The following SERPINB9 variants were observed in gnomAD, a reference collection of about 807,000 sequenced individuals.
The protein encoded by SERPINB9 is serpin B9.
A neutral mutation model predicts 27.2 loss-of-function variants in SERPINB9; 20 were observed. The ratio of observed to expected loss-of-function variants is 0.74; its 90% CI spans 0.52 to 1.07. The LOEUF (loss-of-function observed/expected upper bound fraction) is 1.07, where lower values mean the gene tolerates loss of function less well. Among genes scored for constraint, SERPINB9 ranks in the 50% least tolerant of loss-of-function variants. The probability of loss-of-function intolerance (pLI) is 0.00; values close to 1 mark genes in which losing one functional copy is unlikely to be tolerated. For synonymous variants in SERPINB9, 189 were observed against 180.0 expected, an observed-to-expected ratio of 1.05 and a Z score of -0.40; for missense variants, 476 against 460.1, an observed-to-expected ratio of 1.03 and a Z score of -0.32.
At chr6:2,901,488 G>GA (rs1768200464) in intron 1 of SERPINB9, among the ~76,000 whole-genome samples, 1 of 152,244 alleles carries the variant, frequency 6.6e-6, no homozygotes, top group African/African-American at 2.4e-5. Context: ...CGCCAGAATG[G>GA]AAAGGCAAGA....
rs1237988464 is a variant in SERPINB9, at chr6:2,889,246, C to G, written c.*917G>C. ...ACGTGGTAAGTTGAAAGACATTAAA[C>G]AGTCCAACCTGGTCATTGTCAAAAC... On this transcript the variant is annotated 3_prime_UTR_variant, in exon 7 of 7. Coordinates refer to ENST00000380698, the MANE Select transcript of SERPINB9 (RefSeq NM_004155.6). The G allele has an allele frequency of 6.6e-6, 1 of 152,204 alleles. No homozygotes were observed. Among genetic ancestry groups the G allele is most frequent in the Non-Finnish European group, 1.5e-5 (1 of 68,046 alleles). 9.4% of individuals were successfully genotyped at this position (152,204 alleles called of 1,614,324 possible). A position where few individuals can be genotyped will look rare whatever the true frequency, so the allele number is the denominator to read the frequency against.
At chr6:2,897,410 G>A (rs1318603881) in intron 2 of SERPINB9, among the ~76,000 whole-genome samples, 1 of 151,882 alleles carries the variant, frequency 6.6e-6, no homozygotes, top group Non-Finnish European at 1.5e-5. Context: ...AAGTTGCAGT[G>A]AGCCAAGGTC....
Position 2,891,865 on chromosome 6 carries a change from G to T in SERPINB9, c.691C>A (p.Leu231Met), listed in dbSNP as rs745510142. Reference sequence around the variant, plus strand: ...AGCTCCACGCCGTCGTCAGGCAGCAGCACCAGCAGGCTCAGCTCCTTCCTG... The same window carrying T: ...AGCTCCACGCCGTCGTCAGGCAGCATCACCAGCAGGCTCAGCTCCTTCCTG... ...YARKELSLLV[L>M]LPDDGVELST... The change falls in exon 6 of 7, where the codon CTG becomes ATG. Residue 231 changes from leucine to methionine, a missense_variant. By Grantham distance (15) the Leu-to-Met change is conservative (BLOSUM62 2). Transcript: ENST00000380698. The surrounding 1 kb of genome is among the most constrained non-coding windows in gnomAD (Gnocchi z 4.0). 6.2e-7 allele frequency: 1 copy of T among 1,609,772 alleles called. No homozygotes were observed. The highest frequency in any genetic ancestry group is 2.2e-5 in the East Asian group (1 of 44,836).
chr6:2,902,287 C>A (rs1768231565), intron 1 of SERPINB9, among the ~76,000 whole-genome samples: 1 of 152,218 alleles, frequency 6.6e-6, no homozygotes, highest in Non-Finnish European at 1.5e-5. Flanking sequence ...CCCGCCGGCG[C>A]GACCCTCCCC....
At chr6:2,901,390 A>C (rs1459942968) in intron 1 of SERPINB9, among the ~76,000 whole-genome samples, 1 of 152,210 alleles carries the variant, frequency 6.6e-6, no homozygotes, top group African/African-American at 2.4e-5. Flanking sequence ...TAACTCAGAA[A>C]CATCTATTTG....
intron 1 of SERPINB9, among the ~76,000 whole-genome samples, chr6:2,902,070 A>C (rs1414365299): frequency 6.6e-6 from 1 of 152,118 alleles, no homozygotes. Context: ...ACGGTGTCTT[A>C]CCCACCTGCC....
chr6:2,888,872 A>T lies in SERPINB9; in HGVS notation c.*1291T>A, dbSNP rs1318333989. 1.3e-5 allele frequency: 2 copies of T among 151,790 alleles called. No individual in the cohort carries two copies. Among genetic ancestry groups the T allele is most frequent in the Non-Finnish European group, 2.9e-5 (2 of 68,012 alleles). The allele number at this position is 151,790 out of a possible 1,614,324, so 9.4% of individuals were successfully genotyped here. ...AATAAAAAAATTCTTAAAAAAAAAA[A>T]CTCAGTGATATCCAACCATTAAAAA... On this transcript the variant is annotated 3_prime_UTR_variant, in exon 7 of 7. Coordinates refer to ENST00000380698, the MANE Select transcript of SERPINB9 (RefSeq NM_004155.6).
Position 2,890,655 on chromosome 6 carries a change from T to C in SERPINB9, c.724-85A>G. The C allele has an allele frequency of 1.5e-6, 2 of 1,312,160 alleles. No individual in the cohort carries two copies. Among genetic ancestry groups the C allele is most frequent in the East Asian group, 4.6e-5 (2 of 43,030 alleles). 81.3% of individuals were successfully genotyped at this position (1,312,160 alleles called of 1,614,324 possible). On this transcript the variant is annotated intron_variant, in intron 6 of 6. Coordinates refer to ENST00000380698, the MANE Select transcript of SERPINB9 (RefSeq NM_004155.6). The surrounding 1 kb of genome is among the most constrained non-coding windows in gnomAD (Gnocchi z 6.2). ...GGCACTCACAGTTCCCTTCCTCCCC[T>C]TGCACGTAGGTGTTGTTTGTTCACA...
chr6:2,900,416 C>G (rs1768157189), intron 2 of SERPINB9, 28 bp downstream of exon 2: 1 of 1,611,096 alleles, frequency 6.2e-7, no homozygotes, highest in South Asian at 1.1e-5. Flanking sequence ...CAGGCCAGTC[C>G]CTGCTCCTGG....
At chr6:2,900,686 T>A in intron 1 of SERPINB9, 65 bp from the exon 2 acceptor site, 1 of 1,358,788 alleles carries the variant, frequency 7.4e-7, no homozygotes. Context: ...ACCTACTTAC[T>A]ACAGGGCAAT....
rs1289200124 is a variant in SERPINB9 at position 2,888,045 on chromosome 6, G to A, written c.*2118C>T. 1 of 152,014 alleles carries A rather than the reference G, an allele frequency of 6.6e-6. No homozygotes were observed. Among genetic ancestry groups the A allele is most frequent in the Non-Finnish European group, 1.5e-5 (1 of 68,018 alleles). 9.4% of individuals were successfully genotyped at this position (152,014 alleles called of 1,614,324 possible). On this transcript the variant is annotated 3_prime_UTR_variant, in exon 7 of 7. Transcript: ENST00000380698. The stretch of plus-strand genomic sequence containing the variant: ...CTCAGCATTATCTATCAAAGGGACT[G>A]GATGTCCCATCTAGTTTGTACTTTA...
At position 2,890,296 on chromosome 6, in the gene SERPINB9, G is replaced by C. The variant is rs146773314; in HGVS notation, c.998C>G (p.Ser333Trp). 12 of 1,614,192 alleles carry C rather than the reference G, an allele frequency of 7.4e-6. No individual in the cohort carries two copies. The highest frequency in any genetic ancestry group is 5.0e-5 in the Admixed American group (3 of 60,018). The change falls in exon 7 of 7, where the codon TCG becomes TGG. Residue 333 changes from serine to tryptophan, a missense_variant. Ser to Trp is a radical substitution (Grantham distance 177). Transcript: ENST00000380698. This position sits in a 1 kb window ranked among gnomAD's most constrained non-coding sequence, Gnocchi z 6.2. ...GCACTCTGCAACTACAAAGCAGCTC[G>C]ACGCTGCCGCTGCCTCGGTGCCTTC... The part of the protein sequence containing the change: ...NEEGTEAAAA[S>W]SCFVVAECCM...
intron 2 of SERPINB9, among the ~76,000 whole-genome samples, chr6:2,896,517 A>T (rs1768005184): frequency 6.6e-6 from 1 of 152,252 alleles, no homozygotes; most frequent in Admixed American, 6.5e-5. Flanking sequence ...ACGGAAATAC[A>T]ATCATCAGAA....
Position 2,896,062 on chromosome 6 carries a change from C to T in SERPINB9, c.297G>A (p.Gln99=), listed in dbSNP as rs144597287. Residue 99 remains glutamine (Q), a synonymous_variant, in exon 3 of 7, where the codon CAG becomes CAA. Transcript: ENST00000380698. ...TATTGATTCAACTTACTGAGAGGAA[C>T]TGACAAGTTTTCTCTCCAAAGAGCC... ...ANRLFGEKTC[Q]FLSTFKESCL... 3.7e-6 allele frequency: 6 copies of T among 1,612,686 alleles called. No individual in the cohort carries two copies. The African/African-American group carries it at 5.3e-5, about 14-fold the overall frequency.
chr6:2,895,289 AGAG>A (rs879934749), intron 4 of SERPINB9, 99 bp downstream of exon 4: 381 of 712,822 alleles, frequency 5.3e-4, no homozygotes, highest in African/African-American at 8.2e-4. Flanking sequence ...GATAGGAGGG[AGAG>A]GAGGAGGAGA....
chr6:2,893,411 C>T lies in SERPINB9; in HGVS notation c.567G>A (p.Gln189=). The T allele has an allele frequency of 6.3e-7, 1 of 1,598,294 alleles. No homozygotes were observed. The highest frequency in any genetic ancestry group is 8.5e-7 in the Non-Finnish European group (1 of 1,171,650). Residue 189 remains glutamine, a splice_region_variant and synonymous_variant, in exon 5 of 7, where the codon CAG becomes CAA. Transcript: ENST00000380698. ...CAGGATTTTAAAAAGCTTCCCCCAC[C>T]TGGTTTATTTTAAAGGGCATTTCCC... is the stretch of plus-strand genomic sequence containing the variant. ...YTREMPFKIN[Q]EEQRPVQMMY...
chr6:2,898,804 ACT>A (rs941976069), intron 2 of SERPINB9, among the ~76,000 whole-genome samples: 2 of 149,564 alleles, frequency 1.3e-5, no homozygotes, highest in African/African-American at 4.9e-5. Context: ...ACAGAGCAAG[ACT>A]CTGTCTCGAA....
At chr6:2,895,548 A>G in intron 3 of SERPINB9, 40 bp from the exon 4 acceptor site, 1 of 1,311,672 alleles carries the variant, frequency 7.6e-7, no homozygotes, top group South Asian at 1.3e-5. Flanking sequence ...GCATTGCTAA[A>G]TACAAATGTC....
chr6:2,899,046 G>C (rs966537532), intron 2 of SERPINB9, among the ~76,000 whole-genome samples: 1 of 152,118 alleles, frequency 6.6e-6, no homozygotes, highest in Non-Finnish European at 1.5e-5. Context: ...CGTGTACTCA[G>C]TATGTTTGGT....
Sources: allele counts gnomAD v4.1 joint callset (sites outside exome capture counted in the v4.1 genomes callset), GRCh38; gene constraint gnomAD v4.1.1; non-coding constraint Gnocchi (gnomAD v3.1); transcripts MANE v1.5; gene names NCBI Gene and HGNC (gene_info 2026-07-23, HGNC 2026-07-21).